The following PTPRD variants were observed in gnomAD, a reference collection of about 807,000 sequenced individuals.
The protein encoded by PTPRD is receptor-type tyrosine-protein phosphatase delta.
A neutral mutation model predicts 214.5 loss-of-function variants in PTPRD; 34 were observed. That is an observed-to-expected ratio of 0.16 (90% CI 0.12 to 0.21). The LOEUF is 0.21. Ranked by LOEUF, PTPRD falls within the 10% of genes least tolerant of loss-of-function variation. The pLI is 1.00. For synonymous variants in PTPRD, 1,128 were observed against 845.7 expected, an observed-to-expected ratio of 1.33 and a Z score of -5.79; for missense variants, 2,545 against 2,398.7, an observed-to-expected ratio of 1.06 and a Z score of -1.27.
intron 12 of PTPRD, among the ~76,000 whole-genome samples, chr9:8,703,746 C>T (rs1252178784): frequency 1.3e-5 from 2 of 152,282 alleles, no homozygotes; most frequent in Non-Finnish European, 2.9e-5. Context: ...CATTTATATG[C>T]TAGCGACTTC....
At chr9:10,538,865 AT>A (rs1371829871) in intron 2 of PTPRD, among the ~76,000 whole-genome samples, 2 of 152,152 alleles carry the variant, frequency 1.3e-5, no homozygotes, top group African/African-American at 4.8e-5. Context: ...GTATCATGGA[AT>A]TTTTTAAACA....
chr9:10,483,168 A>T (rs527675960), intron 2 of PTPRD, among the ~76,000 whole-genome samples: 71 of 152,310 alleles, frequency 4.7e-4, no homozygotes, highest in African/African-American at 1.5e-3. Context: ...AATCATATAA[A>T]AACACAAATT....
intron 2 of PTPRD, among the ~76,000 whole-genome samples, chr9:10,372,697 G>A (rs73644435): frequency 0.026 from 4,002 of 151,870 alleles, 187 homozygotes; most frequent in African/African-American, 0.092. Flanking sequence ...TGGATAACTT[G>A]TAAGTTCAGT....
At chr9:8,401,570 G>A (rs1456325920) in intron 36 of PTPRD, among the ~76,000 whole-genome samples, 4 of 152,062 alleles carry the variant, frequency 2.6e-5, no homozygotes, top group Non-Finnish European at 5.9e-5. Flanking sequence ...TAAATAAAAT[G>A]ACTGTGATTT....
chr9:9,651,492 G>A (rs1264078146), intron 7 of PTPRD, among the ~76,000 whole-genome samples: 1 of 152,058 alleles, frequency 6.6e-6, no homozygotes, highest in Non-Finnish European at 1.5e-5. Context: ...AGAACATGTG[G>A]TATTTGGTTT....
At chr9:9,402,205 A>C (rs1369702620) in intron 8 of PTPRD, among the ~76,000 whole-genome samples, 1 of 152,126 alleles carries the variant, frequency 6.6e-6, no homozygotes, top group Admixed American at 6.6e-5. Context: ...ATCCTTGAAA[A>C]AAATATAGTA....
chr9:9,379,235 T>C (rs1596684012), intron 9 of PTPRD, among the ~76,000 whole-genome samples: 1 of 146,600 alleles, frequency 6.8e-6, no homozygotes, highest in East Asian at 2.0e-4. Flanking sequence ...ATATTTTATA[T>C]ATATATATAT....
intron 10 of PTPRD, among the ~76,000 whole-genome samples, chr9:9,069,373 C>A (rs897532571): frequency 2.6e-5 from 4 of 152,152 alleles, no homozygotes; most frequent in Non-Finnish European, 5.9e-5. Context: ...GGCTTTCATA[C>A]ATTCATGACT....
chr9:9,767,911 G>A (rs755993485), intron 5 of PTPRD, among the ~76,000 whole-genome samples: 7 of 152,154 alleles, frequency 4.6e-5, no homozygotes, highest in Non-Finnish European at 8.8e-5. Context: ...ATATGAAGAT[G>A]TCTATGGAGC....
intron 9 of PTPRD, among the ~76,000 whole-genome samples, chr9:9,224,056 G>C (rs191248767): frequency 2.6e-4 from 40 of 152,070 alleles, no homozygotes; most frequent in African/African-American, 9.4e-4. Flanking sequence ...TTTTGTACAA[G>C]GCCAGAACAT....
At chr9:9,013,427 A>G (rs1295222598) in intron 11 of PTPRD, among the ~76,000 whole-genome samples, 3 of 152,166 alleles carry the variant, frequency 2.0e-5, no homozygotes, top group Admixed American at 1.3e-4. Context: ...ATAGACTTCA[A>G]ATATGGAAGG....
At chr9:8,584,274 A>C (rs1410177148) in intron 14 of PTPRD, among the ~76,000 whole-genome samples, 1 of 152,194 alleles carries the variant, frequency 6.6e-6, no homozygotes, top group Non-Finnish European at 1.5e-5. Flanking sequence ...CCATTTCTGC[A>C]GTCATCAATG....
intron 4 of PTPRD, among the ~76,000 whole-genome samples, chr9:10,011,358 T>G (rs982568717): frequency 2.0e-5 from 3 of 152,026 alleles, no homozygotes; most frequent in Admixed American, 2.0e-4. Context: ...TCACTACATA[T>G]CTAAAGAGAT....
chr9:8,921,481 CA>C (rs1229582341), intron 11 of PTPRD, among the ~76,000 whole-genome samples: 3 of 151,368 alleles, frequency 2.0e-5, no homozygotes, highest in African/African-American at 7.3e-5. Flanking sequence ...TGTATTTTTT[CA>C]AAAGTTTTCG....
chr9:8,587,310 T>C (rs1390180163), intron 14 of PTPRD, among the ~76,000 whole-genome samples: 1 of 152,212 alleles, frequency 6.6e-6, no homozygotes, highest in Admixed American at 6.5e-5. Flanking sequence ...TTATTTAGAT[T>C]TTGGATTTAT....
At chr9:10,034,559 A>T (rs2154135160) in intron 3 of PTPRD, among the ~76,000 whole-genome samples, 2 of 151,316 alleles carry the variant, frequency 1.3e-5, no homozygotes, top group East Asian at 3.9e-4. Flanking sequence ...ATTTTTCATG[A>T]TCCTCTCCCT....
intron 9 of PTPRD, among the ~76,000 whole-genome samples, chr9:9,188,925 G>T (rs2099933381): frequency 6.6e-6 from 1 of 151,788 alleles, no homozygotes; most frequent in Non-Finnish European, 1.5e-5. Flanking sequence ...TCTTTACACA[G>T]GAAAATCATC....
At chr9:9,272,731 C>T (rs1331246108) in intron 9 of PTPRD, among the ~76,000 whole-genome samples, 4 of 151,208 alleles carry the variant, frequency 2.6e-5, no homozygotes, top group Non-Finnish European at 5.9e-5. Context: ...TGTTTTTTGA[C>T]ACACGTTATT....
At chr9:10,446,086 A>AC (rs1268235187) in intron 2 of PTPRD, among the ~76,000 whole-genome samples, 3 of 152,038 alleles carry the variant, frequency 2.0e-5, no homozygotes, top group Non-Finnish European at 4.4e-5. Context: ...ATTCAAGCCC[A>AC]CATGTTCAGC....
Sources: gnomAD v4.1 joint callset for allele counts (sites outside exome capture counted in the v4.1 genomes callset) on GRCh38, gnomAD v4.1.1 for gene constraint, MANE v1.5 for transcripts, NCBI Gene and HGNC (gene_info 2026-07-23, HGNC 2026-07-21) for gene names.